The following RERG variants were observed in gnomAD, a reference collection of about 807,000 sequenced individuals.
RERG encodes RAS like estrogen regulated growth inhibitor.
Under a neutral mutation model 23.2 loss-of-function variants are expected in RERG, and 25 were observed. The observed-to-expected ratio is 1.08, with a 90% CI of 0.79 to 1.50. The LOEUF is 1.50. Ranked by LOEUF, RERG falls within the 40% of genes most tolerant of loss-of-function variation. The pLI, the probability that RERG is intolerant of heterozygous loss-of-function variation, is 0.00. For missense variants in RERG, 253 were observed against 250.1 expected (o/e 1.01, Z -0.08); for synonymous variants, 81 against 89.1 (o/e 0.91, Z 0.51).
intron 2 of RERG, among the ~76,000 whole-genome samples, chr12:15,166,341 G>A (rs1864687066): frequency 6.6e-6 from 1 of 152,150 alleles, no homozygotes; most frequent in African/African-American, 2.4e-5. Context: ...TCATCCAATT[G>A]AATCAAATTC....
At chr12:15,210,858 C>T (rs1865357346) in intron 2 of RERG, among the ~76,000 whole-genome samples, 1 of 152,086 alleles carries the variant, frequency 6.6e-6, no homozygotes, top group Admixed American at 6.5e-5. Context: ...CACAGGTAAC[C>T]AGAGCACTAT....
chr12:15,141,394 GCTGTGTCCAAGCTAC>G, intron 2 of RERG, among the ~76,000 whole-genome samples: 1 of 152,122 alleles, frequency 6.6e-6, no homozygotes, highest in East Asian at 1.9e-4. Flanking sequence ...TCCTTCCTCA[GCTGTGTCCAAGCTAC>G]TGATAAGGCC....
Position 15,154,531 on chromosome 12 carries a change from T to C in RERG, c.62-33412A>G, listed in dbSNP as rs11056377. ...TGTATTTCATTTTCTTCGAGGAAAA[T>C]TTGGCCAAATAGCTAAAGTAACCTG... On this transcript the variant is annotated intron_variant, in intron 2 of 4. Coordinates refer to ENST00000256953, the MANE Select transcript of RERG (RefSeq NM_032918.3). Among the ~76,000 whole-genome samples the C allele has an allele frequency of 5.6e-3, 850 of 152,290 alleles. 5 individuals are homozygous for C. The highest frequency in any genetic ancestry group is 0.017 in the Middle Eastern group (5 of 294).
At chr12:15,154,594 A>G (rs1864494337) in intron 2 of RERG, among the ~76,000 whole-genome samples, 1 of 152,214 alleles carries the variant, frequency 6.6e-6, no homozygotes, top group Non-Finnish European at 1.5e-5. Flanking sequence ...AAACACTGCA[A>G]TTATAGGCAG....
At chr12:15,146,230 A>C (rs890496366) in intron 2 of RERG, among the ~76,000 whole-genome samples, 1 of 152,206 alleles carries the variant, frequency 6.6e-6, no homozygotes, top group African/African-American at 2.4e-5. Context: ...AAATGAAGGA[A>C]CTGAAACCAA....
chr12:15,109,220 A>C lies in RERG; in HGVS notation c.490T>G (p.Cys164Gly). 6.2e-7 allele frequency: 1 copy of C among 1,614,142 alleles called. No homozygotes were observed. The highest frequency in any genetic ancestry group is 8.5e-7 in the Non-Finnish European group (1 of 1,180,014). ...ATCCTCCGGCGACGCACCTCTCGAC[A>C]CAATTCATAGAATATCTCTGTGATG... ...GNITEIFYEL[C>G]REVRRRRMVQ... The change falls in exon 5 of 5, where the codon TGT becomes GGT. Residue 164 changes from cysteine (C) to glycine (G), a missense_variant. Physicochemically the swap from Cys to Gly is radical, Grantham distance 159. Coordinates refer to ENST00000256953, the MANE Select transcript of RERG (RefSeq NM_032918.3).
At chr12:15,193,025 T>A (rs140793055) in intron 2 of RERG, among the ~76,000 whole-genome samples, 2 of 152,168 alleles carry the variant, frequency 1.3e-5, no homozygotes, top group South Asian at 4.1e-4. Flanking sequence ...TTTCTCTTTG[T>A]AATGAATAAA....
At chr12:15,173,835 GATA>G (rs1445076663) in intron 2 of RERG, among the ~76,000 whole-genome samples, 4 of 151,780 alleles carry the variant, frequency 2.6e-5, no homozygotes, top group Non-Finnish European at 5.9e-5. Context: ...TTGAAACCCT[GATA>G]AACTCATTTA....
chr12:15,192,058 C>T (rs529647885), intron 2 of RERG, among the ~76,000 whole-genome samples: 3 of 152,126 alleles, frequency 2.0e-5, no homozygotes, highest in Non-Finnish European at 4.4e-5. Context: ...GAATTGTAAT[C>T]CCCAGTGTTA....
rs1270961616 is a variant in RERG at position 15,121,113 on chromosome 12, A to G, written c.68T>C (p.Val23Ala). ...GRAGVGKSAL[V>A]VRFLTKRFIW... is the part of the protein sequence containing the mutation. Reference sequence around the variant, plus strand: ...GAACCGTTTGGTCAGAAATCTCACTACAAGAGCTGTGGAAGAAAAGAGCAA... The same window carrying G: ...GAACCGTTTGGTCAGAAATCTCACTGCAAGAGCTGTGGAAGAAAAGAGCAA... Residue 23 changes from valine (V) to alanine (A), a missense_variant, in exon 3 of 5, where the codon GTA becomes GCA. Physicochemically the swap from Val to Ala is moderately conservative, Grantham distance 64 (BLOSUM62 0). Coordinates refer to ENST00000256953, the MANE Select transcript of RERG (RefSeq NM_032918.3). The G allele has an allele frequency of 3.1e-6, 5 of 1,612,752 alleles. No homozygotes were observed. Among genetic ancestry groups the G allele is most frequent in the African/African-American group, 2.7e-5 (2 of 74,918 alleles).
At chr12:15,217,895 T>G (rs1041703533) in intron 1 of RERG, 1 of 172,292 alleles carries the variant, frequency 5.8e-6, no homozygotes, top group Non-Finnish European at 1.2e-5. Flanking sequence ...TGATTCTTGA[T>G]AGTAACTGAA....
At chr12:15,131,911 A>C (rs1864055177) in intron 2 of RERG, among the ~76,000 whole-genome samples, 1 of 152,180 alleles carries the variant, frequency 6.6e-6, no homozygotes, top group Non-Finnish European at 1.5e-5. Context: ...CCCCATAAGA[A>C]GACAGGAAGC....
chr12:15,121,044 G>GA lies in RERG; in HGVS notation c.118+18dup, dbSNP rs1863821523. On this transcript the variant is annotated intron_variant, in intron 3 of 4. Transcript: ENST00000256953. ...ATAAATTTTTATTGAAGAGGAGAAG[G>GA]AAACAAAATTTGACCTACCGAGGGT... 1 of 1,589,420 alleles carries GA rather than the reference G, an allele frequency of 6.3e-7. No homozygotes were observed. The highest frequency in any genetic ancestry group is 1.3e-5 in the African/African-American group (1 of 74,328).
At chr12:15,117,260 C>T (rs7975252) in intron 3 of RERG, among the ~76,000 whole-genome samples, 100,938 of 151,562 alleles carry the variant, frequency 0.67, 33,701 homozygotes, top group Admixed American at 0.75. Flanking sequence ...TTGAGTTCTA[C>T]TCCTAGTCTA....
intron 2 of RERG, among the ~76,000 whole-genome samples, chr12:15,135,898 G>C (rs1864136504): frequency 1.3e-5 from 2 of 151,986 alleles, no homozygotes; most frequent in African/African-American, 2.4e-5. Flanking sequence ...TTGGTATTAG[G>C]ATAATACTGG....
At chr12:15,166,550 T>TGA (rs1864695171) in intron 2 of RERG, among the ~76,000 whole-genome samples, 1 of 120,762 alleles carries the variant, frequency 8.3e-6, no homozygotes, top group Non-Finnish European at 1.9e-5. Flanking sequence ...GGTAGTGGTG[T>TGA]TGGTGGTGGT....
In RERG at chr12:15,217,618, A is replaced by C; in HGVS notation, c.-114-15T>G. 1.4e-6 allele frequency: 1 copy of C among 691,710 alleles called. No homozygotes were observed. Among genetic ancestry groups the C allele is most frequent in the Non-Finnish European group, 2.6e-6 (1 of 388,952 alleles). The allele number at this position is 691,710 out of a possible 1,614,324, so 42.8% of individuals were successfully genotyped here. A position where few individuals can be genotyped will look rare whatever the true frequency, so the allele number is the denominator to read the frequency against. ...AGTCCACAATCCTTAAACAAAAGAAATTTGGGAATTCATAAGTGACTGGAA... is the reference window on the plus strand; with the variant it reads ...AGTCCACAATCCTTAAACAAAAGAACTTTGGGAATTCATAAGTGACTGGAA... On this transcript the variant is annotated splice_polypyrimidine_tract_variant and intron_variant, in intron 1 of 4. Transcript: ENST00000256953.
At chr12:15,203,299 T>G (rs1242182095) in intron 2 of RERG, among the ~76,000 whole-genome samples, 1 of 151,728 alleles carries the variant, frequency 6.6e-6, no homozygotes, top group Non-Finnish European at 1.5e-5. Flanking sequence ...TTGTTTTCTT[T>G]GCTGAAGAAG....
chr12:15,123,544 T>C (rs2136090182), intron 2 of RERG, among the ~76,000 whole-genome samples: 1 of 147,360 alleles, frequency 6.8e-6, no homozygotes, highest in East Asian at 2.0e-4. Context: ...AATAAATATA[T>C]ATTCAAAATA....
Sources: gnomAD v4.1 joint callset for allele counts (sites outside exome capture counted in the v4.1 genomes callset) on GRCh38, gnomAD v4.1.1 for gene constraint, MANE v1.5 for transcripts, NCBI Gene and HGNC (gene_info 2026-07-23, HGNC 2026-07-21) for gene names.